Variants in PTPRD observed in about 807,000 individuals in gnomAD.
PTPRD encodes receptor-type tyrosine-protein phosphatase delta.
In PTPRD, 34 loss-of-function variants were observed where a neutral mutation model predicts 214.5. The observed-to-expected ratio is 0.16, with a 90% CI of 0.12 to 0.21. The LOEUF is 0.21. PTPRD is among the 10% of genes least tolerant of loss of function. The probability of loss-of-function intolerance (pLI) is 1.00; values close to 1 mark genes in which losing one functional copy is unlikely to be tolerated. For synonymous variants in PTPRD, 1,128 were observed against 845.7 expected, an observed-to-expected ratio of 1.33 and a Z score of -5.79; for missense variants, 2,545 against 2,398.7, an observed-to-expected ratio of 1.06 and a Z score of -1.27.
rs187880173 is a variant in PTPRD at position 9,149,884 on chromosome 9, G to C, written c.-143+33420C>G. 9.3e-4 allele frequency among the ~76,000 whole-genome samples: 142 copies of C among 152,296 alleles called. 1 individual carries two copies. The highest frequency in any genetic ancestry group is 3.4e-3 in the Middle Eastern group (1 of 294). On this transcript the variant is annotated intron_variant, in intron 10 of 45. Transcript: ENST00000381196. ...ATGCCTGACCTTAGTCTGCATGTATGAGATAGTCTTTCCATTTAAGTACCT... is the reference window on the plus strand; with the variant it reads ...ATGCCTGACCTTAGTCTGCATGTATCAGATAGTCTTTCCATTTAAGTACCT...
In PTPRD at chr9:9,340,895, C is replaced by A. The variant is rs531897889; in HGVS notation, c.-203+56554G>T. On this transcript the variant is annotated intron_variant, in intron 9 of 45. Coordinates refer to ENST00000381196, the MANE Select transcript of PTPRD (RefSeq NM_002839.4). Reference sequence around the variant, plus strand: ...TTACCCAGCTAATCATTAGAATAAACTACTAGTGAAGAAAACAGTGATAGT... The same window carrying A: ...TTACCCAGCTAATCATTAGAATAAAATACTAGTGAAGAAAACAGTGATAGT... Among the ~76,000 whole-genome samples, 24 of 152,214 alleles carry A rather than the reference C, an allele frequency of 1.6e-4. No homozygotes were observed. The East Asian group carries it at 3.7e-3, about 23-fold the overall frequency.
intron 36 of PTPRD, among the ~76,000 whole-genome samples, chr9:8,399,640 C>T (rs550002051): frequency 6.6e-6 from 1 of 152,108 alleles, no homozygotes; most frequent in Non-Finnish European, 1.5e-5. Flanking sequence ...AGTCTAAGAA[C>T]ACAACTGAAG....
chr9:9,844,157 G>GT (rs987181192), intron 5 of PTPRD, among the ~76,000 whole-genome samples: 2 of 151,700 alleles, frequency 1.3e-5, no homozygotes, highest in Non-Finnish European at 2.9e-5. Context: ...TAATTTTATT[G>GT]TTTTTTGTCT....
intron 4 of PTPRD, among the ~76,000 whole-genome samples, chr9:10,011,755 G>A (rs1383501264): frequency 6.6e-6 from 1 of 151,986 alleles, no homozygotes; most frequent in Non-Finnish European, 1.5e-5. Flanking sequence ...GAGTCATTCA[G>A]TCCCTTAGTT....
intron 7 of PTPRD, among the ~76,000 whole-genome samples, chr9:9,683,443 T>A (rs7039700): frequency 2.6e-5 from 4 of 151,400 alleles, no homozygotes. Context: ...TGAGGAGATA[T>A]AATAATCCAG....
At chr9:9,631,694 C>A (rs943298) in intron 7 of PTPRD, among the ~76,000 whole-genome samples, 32,895 of 151,974 alleles carry the variant, frequency 0.22, 4,154 homozygotes, top group Non-Finnish European at 0.28. Flanking sequence ...CTAAGTGCAT[C>A]TTCTCCTGTC....
intron 39 of PTPRD, among the ~76,000 whole-genome samples, chr9:8,357,871 G>A (rs542623390): frequency 1.5e-4 from 23 of 152,164 alleles, no homozygotes; most frequent in African/African-American, 3.4e-4. Context: ...CAAAATGAAT[G>A]TAAGTATCCT....
intron 12 of PTPRD, among the ~76,000 whole-genome samples, chr9:8,700,414 T>C (rs895575546): frequency 3.3e-5 from 5 of 152,382 alleles, no homozygotes; most frequent in Non-Finnish European, 7.3e-5. Context: ...AATTCATTTC[T>C]ACTATTGAAT....
chr9:9,847,409 T>G (rs1475118149), intron 5 of PTPRD, among the ~76,000 whole-genome samples: 1 of 152,182 alleles, frequency 6.6e-6, no homozygotes, highest in Non-Finnish European at 1.5e-5. Context: ...CAGGAAATTT[T>G]ATACAATTGA....
chr9:9,423,717 A>T (rs143342742), intron 8 of PTPRD, among the ~76,000 whole-genome samples: 3 of 152,312 alleles, frequency 2.0e-5, no homozygotes, highest in African/African-American at 7.2e-5. Flanking sequence ...TAAAATGCAA[A>T]AAACTGCAGT....
intron 3 of PTPRD, among the ~76,000 whole-genome samples, chr9:10,328,610 C>CTTGCTGGTCATTCTGTTTACCTCA (rs1426996227): frequency 3.3e-5 from 5 of 151,746 alleles, no homozygotes; most frequent in African/African-American, 9.7e-5. Flanking sequence ...CTTTGAATGA[C>CTTGCTGGTCATTCTGTTTACCTCA]TTGCTGGAGG....
At chr9:9,872,588 T>A (rs771435825) in intron 5 of PTPRD, among the ~76,000 whole-genome samples, 3 of 151,890 alleles carry the variant, frequency 2.0e-5, no homozygotes, top group Non-Finnish European at 4.4e-5. Context: ...AGGCCCTGTG[T>A]CAAAACAACC....
intron 3 of PTPRD, among the ~76,000 whole-genome samples, chr9:10,124,391 C>G (rs1489836294): frequency 1.3e-5 from 2 of 152,204 alleles, no homozygotes; most frequent in Non-Finnish European, 2.9e-5. Flanking sequence ...CAGCTAAATG[C>G]ATTAATCTGT....
rs113757388 is a variant in PTPRD, at chr9:10,416,514, C to T, written c.-599-75497G>A. Among the ~76,000 whole-genome samples, 109 of 151,812 alleles carry T rather than the reference C, an allele frequency of 7.2e-4. 1 individual carries two copies. Among genetic ancestry groups the T allele is most frequent in the African/African-American group, 2.5e-3 (105 of 41,442 alleles). On this transcript the variant is annotated intron_variant, in intron 2 of 45. Coordinates refer to ENST00000381196, the MANE Select transcript of PTPRD (RefSeq NM_002839.4). ...AAATAGGAAGAAAAAGTAGAGATTT[C>T]ACTGGGAAAATAAAGCATGTGTTAC...
At position 9,672,939 on chromosome 9, in the gene PTPRD, A is replaced by C. The variant is rs570388371; in HGVS notation, c.-287+61594T>G. 1.2e-4 allele frequency among the ~76,000 whole-genome samples: 18 copies of C among 152,170 alleles called. No homozygotes were observed. The South Asian group carries it at 3.7e-3, about 31-fold the overall frequency. ...TTTCCTGACATTGGTATTTGACTCT[A>C]GCGTAAATCTGTTATAAAATCCCTG... On this transcript the variant is annotated intron_variant, in intron 7 of 45. Coordinates refer to ENST00000381196, the MANE Select transcript of PTPRD (RefSeq NM_002839.4).
chr9:8,784,084 C>A (rs1231820365), intron 11 of PTPRD, among the ~76,000 whole-genome samples: 1 of 152,186 alleles, frequency 6.6e-6, no homozygotes. Flanking sequence ...GCCCCTTCAG[C>A]CCTTGGAGTT....
chr9:9,261,448 A>C (rs2132145818), intron 9 of PTPRD, among the ~76,000 whole-genome samples: 1 of 152,006 alleles, frequency 6.6e-6, no homozygotes, highest in African/African-American at 2.4e-5. Context: ...CATTTAGATA[A>C]ATGTATCATA....
intron 5 of PTPRD, among the ~76,000 whole-genome samples, chr9:9,903,658 T>C (rs574053533): frequency 6.6e-6 from 1 of 152,220 alleles, no homozygotes; most frequent in African/African-American, 2.4e-5. Flanking sequence ...CAAATCAATA[T>C]GATTGATCTC....
At chr9:8,373,293 T>C (rs965266316) in intron 39 of PTPRD, among the ~76,000 whole-genome samples, 2 of 152,006 alleles carry the variant, frequency 1.3e-5, no homozygotes, top group South Asian at 2.1e-4. Flanking sequence ...GTTGACGATG[T>C]TGACATGACC....
Sources: gnomAD v4.1 joint callset for allele counts (sites outside exome capture counted in the v4.1 genomes callset) on GRCh38, gnomAD v4.1.1 for gene constraint, MANE v1.5 for transcripts, NCBI Gene and HGNC (gene_info 2026-07-23, HGNC 2026-07-21) for gene names.